The following SLC24A3 variants were observed in gnomAD, a reference collection of about 807,000 sequenced individuals.
SLC24A3 encodes the protein solute carrier family 24 member 3.
SLC24A3 carries 28 observed loss-of-function variants against 75.8 expected under a neutral mutation model. The observed-to-expected ratio is 0.37, with a 90% CI of 0.27 to 0.51. The LOEUF (loss-of-function observed/expected upper bound fraction) is 0.51. Among genes scored for constraint, SLC24A3 ranks in the 20% least tolerant of loss-of-function variants. The probability of loss-of-function intolerance (pLI) is 0.94; values close to 1 mark genes in which losing one functional copy is unlikely to be tolerated. For synonymous variants in SLC24A3, 372 were observed against 334.1 expected, an observed-to-expected ratio of 1.11 and a Z score of -1.24; for missense variants, 663 against 847.8, an observed-to-expected ratio of 0.78 and a Z score of 2.71.
rs991311093 is a variant in SLC24A3, at chr20:19,721,357, C to T, written c.*217C>T. 6 of 520,980 alleles carry T rather than the reference C, an allele frequency of 1.2e-5. No individual in the cohort carries two copies. The highest frequency in any genetic ancestry group is 2.0e-5 in the Non-Finnish European group (6 of 298,312). The allele number at this position is 520,980 out of a possible 1,614,324, so 32.3% of individuals were successfully genotyped here. On this transcript the variant is annotated 3_prime_UTR_variant, in exon 17 of 17. Transcript: ENST00000328041. ...GCCCACCCACCCTTTCCTGCCTCCT[C>T]CGTGTGAAGACATCCAACATCCACG...
chr20:19,352,689 T>C (rs1985598303), intron 2 of SLC24A3, among the ~76,000 whole-genome samples: 1 of 152,210 alleles, frequency 6.6e-6, no homozygotes. Flanking sequence ...TAAGGTTAAA[T>C]TGCTGCCTGG....
chr20:19,580,117 A>G lies in SLC24A3; in HGVS notation c.423+43A>G, dbSNP rs562713687. 4 of 1,554,036 alleles carry G rather than the reference A, an allele frequency of 2.6e-6. No individual in the cohort carries two copies. The Admixed American group carries it at 5.0e-5, about 19-fold the overall frequency. On this transcript the variant is annotated intron_variant, in intron 4 of 16. Coordinates refer to ENST00000328041, the MANE Select transcript of SLC24A3 (RefSeq NM_020689.4). Reference sequence around the variant, plus strand: ...TTGGTATGTGTGAGCCAGACTGGGGACTGGACCTGTGCCCTGTACTGTTCC... The same window carrying G: ...TTGGTATGTGTGAGCCAGACTGGGGGCTGGACCTGTGCCCTGTACTGTTCC...
chr20:19,471,329 G>C (rs1347569850), intron 2 of SLC24A3, among the ~76,000 whole-genome samples: 1 of 152,206 alleles, frequency 6.6e-6, no homozygotes, highest in Non-Finnish European at 1.5e-5. Context: ...CAGATTCACA[G>C]AAACTGCCTC....
intron 2 of SLC24A3, among the ~76,000 whole-genome samples, chr20:19,362,276 T>A (rs994596941): frequency 6.6e-6 from 1 of 152,238 alleles, no homozygotes; most frequent in Non-Finnish European, 1.5e-5. Context: ...GCTTTATCAT[T>A]TCCAGGGCAT....
chr20:19,262,231 G>A (rs1054601000), intron 1 of SLC24A3, among the ~76,000 whole-genome samples: 5 of 150,904 alleles, frequency 3.3e-5, no homozygotes, highest in Admixed American at 6.6e-5. Flanking sequence ...GTGAAACCCC[G>A]TCTCTACTAA....
At chr20:19,492,460 C>T (rs1279627812) in intron 2 of SLC24A3, among the ~76,000 whole-genome samples, 1 of 152,172 alleles carries the variant, frequency 6.6e-6, no homozygotes, top group Non-Finnish European at 1.5e-5. Context: ...AGCGTTCAGC[C>T]CACCACACCT....
rs867465065 is a variant in SLC24A3 at position 19,325,817 on chromosome 20, G to T, written c.271+44730G>T. ...ATATAGAGAGAGAGAGAGAGAGAGA[G>T]AGAGAGAGAGAGAGAGAGAGAGGGA... On this transcript the variant is annotated intron_variant, in intron 2 of 16. Transcript: ENST00000328041. Among the ~76,000 whole-genome samples the T allele has an allele frequency of 1.8e-3, 201 of 111,374 alleles. 2 individuals carry two copies. The highest frequency in any genetic ancestry group is 8.7e-3 in the African/African-American group (193 of 22,274). 73.1% of individuals were successfully genotyped at this position (111,374 alleles called of 152,430 possible).
intron 2 of SLC24A3, among the ~76,000 whole-genome samples, chr20:19,319,772 G>A (rs1367985339): frequency 2.6e-5 from 4 of 152,176 alleles, no homozygotes; most frequent in African/African-American, 9.7e-5. Context: ...GGCATTTGGA[G>A]GGCAGTTATT....
Position 19,585,466 on chromosome 20 carries a change from G to A in SLC24A3, c.534G>A (p.Val178=). The A allele has an allele frequency of 6.2e-7, 1 of 1,614,146 alleles. No individual in the cohort carries two copies. ...VIGVFITKGD[V]GVGTIVGSAV... is the part of the protein sequence containing the mutation. The stretch of plus-strand genomic sequence containing the variant: ...GGGTCTTCATCACCAAAGGCGATGT[G>A]GGAGTTGGCACCATCGTGGGCTCAG... The change falls in exon 6 of 17, where the codon GTG becomes GTA. Residue 178 remains valine, a synonymous_variant. Transcript: ENST00000328041.
intron 2 of SLC24A3, among the ~76,000 whole-genome samples, chr20:19,347,218 G>C (rs1447717157): frequency 6.6e-6 from 1 of 152,180 alleles, no homozygotes; most frequent in Non-Finnish European, 1.5e-5. Flanking sequence ...TCCAGGGGTA[G>C]GGAGGAAGGA....
intron 6 of SLC24A3, among the ~76,000 whole-genome samples, chr20:19,608,330 G>A (rs147230674): frequency 8.5e-4 from 130 of 152,302 alleles, no homozygotes; most frequent in Admixed American, 7.4e-3. Flanking sequence ...CTGTTAATTA[G>A]CAACATAAGA....
intron 3 of SLC24A3, among the ~76,000 whole-genome samples, chr20:19,543,470 C>G (rs1737880032): frequency 1.3e-5 from 2 of 152,192 alleles, no homozygotes; most frequent in South Asian, 2.1e-4. Flanking sequence ...TTACTGATAT[C>G]CTATAATGTG....
In SLC24A3 at chr20:19,471,483, G is replaced by C. The variant is rs553637242; in HGVS notation, c.272-44005G>C. ...CTGTGAATGTTTCTAGATGTTGAAT[G>C]CATGTGTGTTCAAGGGAGTGGGGGC... On this transcript the variant is annotated intron_variant, in intron 2 of 16. Coordinates refer to ENST00000328041, the MANE Select transcript of SLC24A3 (RefSeq NM_020689.4). Among the ~76,000 whole-genome samples the C allele has an allele frequency of 8.5e-5, 13 of 152,332 alleles. 1 individual carries two copies. Among genetic ancestry groups the C allele is most frequent in the African/African-American group, 3.1e-4 (13 of 41,580 alleles).
intron 3 of SLC24A3, among the ~76,000 whole-genome samples, chr20:19,546,177 A>AC: frequency 6.7e-6 from 1 of 149,776 alleles, no homozygotes; most frequent in East Asian, 1.9e-4. Context: ...AAAAAAAAAA[A>AC]AAAAAAAAAA....
At chr20:19,575,513 AG>A (rs1041294864) in intron 3 of SLC24A3, among the ~76,000 whole-genome samples, 5 of 152,190 alleles carry the variant, frequency 3.3e-5, no homozygotes, top group African/African-American at 1.2e-4. Context: ...TCCCACTCAG[AG>A]GGTTCTAAAA....
At chr20:19,452,773 G>C (rs1987509468) in intron 2 of SLC24A3, among the ~76,000 whole-genome samples, 1 of 152,092 alleles carries the variant, frequency 6.6e-6, no homozygotes, top group Admixed American at 6.5e-5. Flanking sequence ...TCAGCACTTT[G>C]GGAGACAAAG....
chr20:19,581,385 T>C (rs182354304), intron 4 of SLC24A3, among the ~76,000 whole-genome samples: 1 of 152,336 alleles, frequency 6.6e-6, no homozygotes, highest in Admixed American at 6.5e-5. Context: ...ATCAAAATTA[T>C]ATTCTGGAAA....
chr20:19,431,564 C>T (rs1371762982), intron 2 of SLC24A3, among the ~76,000 whole-genome samples: 1 of 151,978 alleles, frequency 6.6e-6, no homozygotes, highest in Non-Finnish European at 1.5e-5. Flanking sequence ...AGATAAGCAC[C>T]CAGAGCCTCC....
intron 2 of SLC24A3, among the ~76,000 whole-genome samples, chr20:19,419,039 A>C (rs1986871991): frequency 6.6e-6 from 1 of 152,250 alleles, no homozygotes; most frequent in Non-Finnish European, 1.5e-5. Context: ...AAAGCTGATA[A>C]ATAACAAGAA....
Sources: allele counts gnomAD v4.1 joint callset (sites outside exome capture counted in the v4.1 genomes callset), GRCh38; gene constraint gnomAD v4.1.1; transcripts MANE v1.5; gene names NCBI Gene and HGNC (gene_info 2026-07-23, HGNC 2026-07-21).